The following MINDY4 variants were observed in gnomAD, a reference collection of about 807,000 sequenced individuals.
The protein encoded by MINDY4 is probable ubiquitin carboxyl-terminal hydrolase MINDY-4.
A neutral mutation model predicts 87.0 loss-of-function variants in MINDY4; 68 were observed. That is an observed-to-expected ratio of 0.78 (90% CI 0.64 to 0.96). The LOEUF is 0.96. Ranked by LOEUF, MINDY4 falls within the 40% of genes least tolerant of loss-of-function variation. The pLI is 0.00. For missense variants in MINDY4, 919 were observed against 928.2 expected, an observed-to-expected ratio of 0.99 and a Z score of 0.13; for synonymous variants, 379 against 363.2, an observed-to-expected ratio of 1.04 and a Z score of -0.50.
intron 2 of MINDY4, chr7:30,780,306 T>C (rs1364761671): frequency 6.6e-6 from 1 of 152,204 alleles, no homozygotes; most frequent in East Asian, 1.9e-4. Flanking sequence ...GTGAGACAAC[T>C]ACCCAGAAAA....
intron 9 of MINDY4, among the ~76,000 whole-genome samples, chr7:30,846,594 G>C (rs1373923523): frequency 6.6e-6 from 1 of 152,288 alleles, no homozygotes; most frequent in Admixed American, 6.5e-5. Flanking sequence ...ATCTGGTAAA[G>C]GCCTGGGTGA....
chr7:30,870,406 G>A (rs933139027), intron 13 of MINDY4, among the ~76,000 whole-genome samples: 8 of 152,178 alleles, frequency 5.3e-5, no homozygotes, highest in Middle Eastern at 3.2e-3. Context: ...TAGCGCCAGC[G>A]AAGCGCTATG....
intron 5 of MINDY4, among the ~76,000 whole-genome samples, chr7:30,823,060 T>A (rs1436593283): frequency 1.3e-5 from 2 of 152,170 alleles, no homozygotes; most frequent in African/African-American, 4.8e-5. Context: ...TTAAGCATTT[T>A]TTTTTTGGCA....
chr7:30,826,091 A>G lies in MINDY4; in HGVS notation c.1074-2588A>G, dbSNP rs191134235. Among the ~76,000 whole-genome samples, 400 of 152,232 alleles carry G rather than the reference A, an allele frequency of 2.6e-3. 1 individual carries two copies. The highest frequency in any genetic ancestry group is 6.8e-3 in the Middle Eastern group (2 of 294). On this transcript the variant is annotated intron_variant, in intron 5 of 17. Coordinates refer to ENST00000265299, the MANE Select transcript of MINDY4 (RefSeq NM_032222.3). ...CCTTCTCTTCTCCCTTTACCTCTTT[A>G]TGATAAGGATTCTTATAATTACATT...
At chr7:30,844,139 C>T (rs964658539) in intron 9 of MINDY4, among the ~76,000 whole-genome samples, 2 of 152,142 alleles carry the variant, frequency 1.3e-5, no homozygotes, top group Non-Finnish European at 2.9e-5. Flanking sequence ...GGCTGCTGCC[C>T]CATCACAGAG....
At position 30,771,966 on chromosome 7, in the gene MINDY4, C is replaced by T. The variant is rs1786653289; in HGVS notation, c.63+410C>T. Among the ~76,000 whole-genome samples, 4 of 152,256 alleles carry T rather than the reference C, an allele frequency of 2.6e-5. No homozygotes were observed. The South Asian group carries it at 6.2e-4, about 24-fold the overall frequency. ...AGGGTCCCACTCGGAAAGAACTTCT[C>T]CCAGAGGGAACCCCAAAAGCCCAGA... On this transcript the variant is annotated intron_variant, in intron 1 of 17. Transcript: ENST00000265299.
chr7:30,791,470 C>T lies in MINDY4; in HGVS notation c.969C>T (p.Asp323=). ...TPAVDGSTDT[D]RMPLKLYLPG... is the part of the protein sequence containing the mutation. ...CAGTGGACGGCAGCACAGACACGGA[C>T]AGGATGCCCTTGAAGCTCTACTTGC... The change falls in exon 5 of 18, where the codon GAC becomes GAT. Residue 323 remains aspartate (D), a synonymous_variant. Coordinates refer to ENST00000265299, the MANE Select transcript of MINDY4 (RefSeq NM_032222.3). 1.2e-6 allele frequency: 2 copies of T among 1,614,048 alleles called. No individual in the cohort carries two copies. The highest frequency in any genetic ancestry group is 1.7e-6 in the Non-Finnish European group (2 of 1,179,952).
At chr7:30,823,088 ATGT>A (rs1788391485) in intron 5 of MINDY4, among the ~76,000 whole-genome samples, 2 of 151,878 alleles carry the variant, frequency 1.3e-5, no homozygotes, top group African/African-American at 4.8e-5. Context: ...TACATAAGTG[ATGT>A]TGTATATTTC....
intron 9 of MINDY4, 32 bp downstream of exon 9, chr7:30,840,880 T>C (rs1376815229): frequency 6.3e-7 from 1 of 1,585,476 alleles, no homozygotes; most frequent in Non-Finnish European, 8.6e-7. Flanking sequence ...CAATATCTTA[T>C]TTTCCCAAGT....
chr7:30,810,547 G>A (rs942604273), intron 5 of MINDY4, among the ~76,000 whole-genome samples: 13 of 151,930 alleles, frequency 8.6e-5, no homozygotes, highest in African/African-American at 3.1e-4. Flanking sequence ...CAGTTAAAGG[G>A]GTATCATCCA....
intron 5 of MINDY4, among the ~76,000 whole-genome samples, chr7:30,802,471 C>G (rs904632185): frequency 6.6e-6 from 1 of 152,080 alleles, no homozygotes; most frequent in Non-Finnish European, 1.5e-5. Context: ...GATTTGATAA[C>G]TCATATTTAT....
chr7:30,805,203 A>G (rs1340284008), intron 5 of MINDY4, among the ~76,000 whole-genome samples: 3 of 152,170 alleles, frequency 2.0e-5, no homozygotes, highest in Non-Finnish European at 4.4e-5. Flanking sequence ...CCAGAGGGGT[A>G]AGGAGCCAGG....
chr7:30,825,329 G>T (rs1229737261), intron 5 of MINDY4, among the ~76,000 whole-genome samples: 2 of 152,172 alleles, frequency 1.3e-5, no homozygotes, highest in Admixed American at 1.3e-4. Context: ...ATGGGAACCC[G>T]GCACAAAGCA....
At position 30,882,359 on chromosome 7, in the gene MINDY4, T is replaced by C. The variant is rs746804949; in HGVS notation, c.2150T>C (p.Ile717Thr). Residue 717 changes from isoleucine to threonine, a missense_variant and splice_region_variant, in exon 16 of 18, where the codon ATT (isoleucine) becomes ACT (threonine). Coordinates refer to ENST00000265299, the MANE Select transcript of MINDY4 (RefSeq NM_032222.3). Reference sequence around the variant, plus strand: ...CAGCAGGAGCAGATCCGGCTGACCATTGGTGCGGGCCCTCACCCCCCCACC... The same window carrying C: ...CAGCAGGAGCAGATCCGGCTGACCACTGGTGCGGGCCCTCACCCCCCCACC... ...ANQQEQIRLT[I>T]DTTQTISEDT... 4 of 1,580,376 alleles carry C rather than the reference T, an allele frequency of 2.5e-6. No homozygotes were observed. The South Asian group carries it at 3.4e-5, about 14-fold the overall frequency.
chr7:30,773,811 A>G (rs1344957041), intron 1 of MINDY4, among the ~76,000 whole-genome samples: 4 of 152,100 alleles, frequency 2.6e-5, no homozygotes, highest in African/African-American at 9.7e-5. Context: ...ACTCTTCTCC[A>G]GCCTCACCAC....
At chr7:30,780,301 A>G (rs1321898685) in intron 2 of MINDY4, 2 of 152,198 alleles carry the variant, frequency 1.3e-5, no homozygotes, top group Non-Finnish European at 1.5e-5. Context: ...AGAGAGTGAG[A>G]CAACTACCCA....
intron 2 of MINDY4, among the ~76,000 whole-genome samples, chr7:30,779,117 CCTG>C (rs903789737): frequency 7.2e-5 from 11 of 152,322 alleles, no homozygotes; most frequent in African/African-American, 2.6e-4. Context: ...TCTCCCCCAA[CCTG>C]CTATTATAGG....
At chr7:30,828,886 T>G in intron 6 of MINDY4, 149 bp downstream of exon 6, 1 of 666,340 alleles carries the variant, frequency 1.5e-6, no homozygotes. Flanking sequence ...TAGACTACTC[T>G]CTCTCTGATT....
chr7:30,840,459 A>T (rs76719927), intron 8 of MINDY4, among the ~76,000 whole-genome samples: 5,748 of 152,270 alleles, frequency 0.038, 161 homozygotes, highest in East Asian at 0.11. Context: ...TCCCTAGATG[A>T]TAGAAAACCT....
Sources: allele counts gnomAD v4.1 joint callset (sites outside exome capture counted in the v4.1 genomes callset), GRCh38; gene constraint gnomAD v4.1.1; transcripts MANE v1.5; gene names NCBI Gene and HGNC (gene_info 2026-07-23, HGNC 2026-07-21).